ACMSD: variants seen among roughly 807,000 people sequenced by gnomAD.
ACMSD encodes 2-amino-3-carboxymuconate-6-semialdehyde decarboxylase.
A neutral mutation model predicts 45.9 loss-of-function variants in ACMSD; 37 were observed. That is an observed-to-expected ratio of 0.81 (90% confidence interval 0.62 to 1.06). ACMSD has a LOEUF of 1.06. Among genes scored for constraint, ACMSD ranks in the 50% least tolerant of loss-of-function variants. The pLI, the probability that ACMSD is intolerant of heterozygous loss-of-function variation, is 0.00. For missense variants in ACMSD, 434 were observed against 420.9 expected, an observed-to-expected ratio of 1.03 and a Z score of -0.27; for synonymous variants, 138 against 148.8, an observed-to-expected ratio of 0.93 and a Z score of 0.53.
intron 5 of ACMSD, among the ~76,000 whole-genome samples, chr2:134,866,653 T>G (rs749470471): frequency 1.3e-5 from 2 of 152,242 alleles, no homozygotes; most frequent in Non-Finnish European, 2.9e-5. Context: ...CAAACATTTA[T>G]GTATGAGGGT....
chr2:134,859,451 G>C, intron 3 of ACMSD, 94 bp downstream of exon 3: 1 of 1,216,480 alleles, frequency 8.2e-7, no homozygotes. Flanking sequence ...GGTAACTTCT[G>C]ACCCCCTTTT....
At chr2:134,879,768 G>A (rs2166480) in intron 8 of ACMSD, among the ~76,000 whole-genome samples, 88,948 of 152,012 alleles carry the variant, frequency 0.59, 27,726 homozygotes, top group Middle Eastern at 0.91. Context: ...ACATTCAGAC[G>A]CATAGACTAA....
At chr2:134,866,661 G>A (rs1273436555) in intron 5 of ACMSD, among the ~76,000 whole-genome samples, 1 of 152,174 alleles carries the variant, frequency 6.6e-6, no homozygotes, top group African/African-American at 2.4e-5. Context: ...TATGTATGAG[G>A]GTAGGATGAA....
At chr2:134,862,998 C>G (rs554790744) in intron 4 of ACMSD, 1 of 985,324 alleles carries the variant, frequency 1.0e-6, no homozygotes. Flanking sequence ...TGGGGCATGA[C>G]AAGGAGGTGC....
intron 8 of ACMSD, among the ~76,000 whole-genome samples, chr2:134,883,264 A>AT (rs1689146932): frequency 1.8e-4 from 28 of 151,458 alleles, no homozygotes; most frequent in Admixed American, 1.8e-3. Flanking sequence ...GGGATCACAG[A>AT]CAAAAAAAAA....
intron 2 of ACMSD, among the ~76,000 whole-genome samples, chr2:134,857,437 T>C (rs914306501): frequency 6.6e-6 from 1 of 152,198 alleles, no homozygotes; most frequent in Non-Finnish European, 1.5e-5. Context: ...AACAAGACTC[T>C]ATCTCGAGAA....
chr2:134,859,511 T>C, intron 3 of ACMSD, 154 bp downstream of exon 3: 2 of 629,354 alleles, frequency 3.2e-6, no homozygotes, highest in Non-Finnish European at 2.8e-6. Context: ...GACAGGGCCT[T>C]CCACTACAAT....
intron 1 of ACMSD, among the ~76,000 whole-genome samples, chr2:134,842,222 G>A (rs986898773): frequency 1.2e-4 from 19 of 152,170 alleles, no homozygotes; most frequent in Middle Eastern, 3.4e-3. Context: ...TAGACTCCAG[G>A]CTCGGCTCAA....
intron 8 of ACMSD, among the ~76,000 whole-genome samples, chr2:134,883,177 T>G (rs1468890928): frequency 6.6e-6 from 1 of 152,152 alleles, no homozygotes; most frequent in Non-Finnish European, 1.5e-5. Context: ...AATGGAGATG[T>G]TGTCAAATGC....
chr2:134,847,397 C>CAGAT (rs1213803670), intron 2 of ACMSD, among the ~76,000 whole-genome samples: 12,311 of 80,944 alleles, frequency 0.15, 563 homozygotes, highest in Non-Finnish European at 0.16. Flanking sequence ...TTTGGGGATA[C>CAGAT]AGATAGATAG....
At position 134,845,257 on chromosome 2, in the gene ACMSD, C is replaced by T. The variant is rs751847664; in HGVS notation, c.82C>T (p.Gln28Ter). The T allele has an allele frequency of 8.1e-6, 13 of 1,614,080 alleles. No individual in the cohort carries two copies. In the South Asian group the frequency reaches 1.4e-4, roughly 18 times the overall value. The stretch of plus-strand genomic sequence containing the variant: ...GAGGTTTGGCTACGGAGGCTGGGTG[C>T]AGCTCCAACACCACAGCAAGGTGAG... ...KKRFGYGGWV[Q>*]LQHHSKGEAK... Residue 28 changes from glutamine to a stop codon, truncating the protein, a stop_gained, in exon 2 of 10, where the codon CAG (glutamine) becomes TAG (stop). Coordinates refer to ENST00000356140, the MANE Select transcript of ACMSD (RefSeq NM_138326.3). LOFTEE classifies it high-confidence loss of function.
At chr2:134,867,984 C>T (rs552013440) in intron 6 of ACMSD, among the ~76,000 whole-genome samples, 2 of 152,104 alleles carry the variant, frequency 1.3e-5, no homozygotes, top group African/African-American at 2.4e-5. Flanking sequence ...CCAGGTCACA[C>T]AGTTAATACA....
intron 8 of ACMSD, among the ~76,000 whole-genome samples, chr2:134,878,349 C>G (rs1386981668): frequency 6.6e-6 from 1 of 152,124 alleles, no homozygotes; most frequent in East Asian, 1.9e-4. Context: ...GTTTTTGAGA[C>G]AGGGTTTTGC....
At chr2:134,872,881 A>T in intron 8 of ACMSD, 1 of 469,386 alleles carries the variant, frequency 2.1e-6, no homozygotes, top group South Asian at 2.9e-5. Flanking sequence ...ATCCCAGATC[A>T]TCTACATGGC....
intron 9 of ACMSD, among the ~76,000 whole-genome samples, 186 bp downstream of exon 9, chr2:134,898,625 AAGTC>A (rs1690322577): frequency 1.3e-5 from 2 of 152,168 alleles, no homozygotes; most frequent in Admixed American, 6.6e-5. Flanking sequence ...ACAAAGCTGA[AAGTC>A]AGCCTAGTAC....
chr2:134,886,941 T>A (rs955539843), intron 8 of ACMSD, among the ~76,000 whole-genome samples: 2 of 152,328 alleles, frequency 1.3e-5, no homozygotes, highest in South Asian at 2.1e-4. Flanking sequence ...TGTATTTTTA[T>A]ATACTAGCAG....
intron 8 of ACMSD, among the ~76,000 whole-genome samples, chr2:134,877,197 TATA>T (rs764655025): frequency 6.2e-4 from 94 of 152,230 alleles, no homozygotes; most frequent in Admixed American, 4.6e-4. Context: ...TTATGATGGC[TATA>T]ATATCACTAA....
At chr2:134,882,534 T>C (rs1387497639) in intron 8 of ACMSD, among the ~76,000 whole-genome samples, 1 of 152,248 alleles carries the variant, frequency 6.6e-6, no homozygotes, top group Non-Finnish European at 1.5e-5. Flanking sequence ...GGTGTTAAGT[T>C]AATGTTTGTT....
chr2:134,872,542 CA>C lies in ACMSD; in HGVS notation c.752del (p.Asn251ThrfsTer3). The C allele has an allele frequency of 6.2e-7, 1 of 1,614,160 alleles. No individual in the cohort carries two copies. Among genetic ancestry groups the C allele is most frequent in the Non-Finnish European group, 8.5e-7 (1 of 1,180,036 alleles). On this transcript the variant is annotated frameshift_variant, in exon 8 of 10. Coordinates refer to ENST00000356140, the MANE Select transcript of ACMSD (RefSeq NM_138326.3). LOFTEE classifies it high-confidence loss of function. ...SMRPDLCAQDNPMNPKKYLGS... is the reference protein window; with the variant it reads ...SMRPDLCAQDXPMNPKKYLGS... ...TGCGCCCAGATCTGTGTGCCCAGGA[CA>C]ACCCCATGAACCCGAAGAAATACCT...
Sources: allele counts gnomAD v4.1 joint callset (sites outside exome capture counted in the v4.1 genomes callset), GRCh38; gene constraint gnomAD v4.1.1; transcripts MANE v1.5; gene names NCBI Gene and HGNC (gene_info 2026-07-23, HGNC 2026-07-21).